The following UBXN2A variants were observed in gnomAD, a reference collection of about 807,000 sequenced individuals.
UBXN2A encodes UBX domain-containing protein 2A.
UBXN2A carries 28 observed loss-of-function variants against 28.4 expected under a neutral mutation model. That is an observed-to-expected ratio of 0.99 (90% CI 0.73 to 1.35). UBXN2A has a LOEUF of 1.35. Ranked by LOEUF, UBXN2A falls within the 40% of genes most tolerant of loss-of-function variation. The pLI is 0.00. For synonymous variants in UBXN2A, 97 were observed against 103.6 expected (o/e 0.94, Z 0.39); for missense variants, 253 against 297.9 (o/e 0.85, Z 1.11).
At chr2:23,971,976 G>T (rs1707441085) in intron 3 of UBXN2A, among the ~76,000 whole-genome samples, 3 of 152,050 alleles carry the variant, frequency 2.0e-5, no homozygotes, top group Admixed American at 2.0e-4. Context: ...CCATGTGCCT[G>T]TAGTCCCAGC....
intron 1 of UBXN2A, 39 bp from the exon 2 acceptor site, chr2:23,958,258 TTTAC>T (rs1345655029): frequency 3.9e-6 from 6 of 1,534,474 alleles, no homozygotes; most frequent in South Asian, 1.2e-5. Flanking sequence ...TATTAAGCTT[TTTAC>T]TTACTTTCTT....
chr2:23,954,244 T>G (rs1706508414), intron 1 of UBXN2A, among the ~76,000 whole-genome samples: 1 of 152,220 alleles, frequency 6.6e-6, no homozygotes, highest in African/African-American at 2.4e-5. Flanking sequence ...TTCTAGATAT[T>G]TTATATATTT....
At chr2:23,977,193 T>C (rs1184861947) in intron 4 of UBXN2A, 118 bp downstream of exon 4, 1 of 687,538 alleles carries the variant, frequency 1.5e-6, no homozygotes, top group African/African-American at 1.8e-5. Flanking sequence ...CCAGACCTCA[T>C]CTCTACTTAA....
chr2:23,973,352 T>C (rs934278360), intron 3 of UBXN2A, among the ~76,000 whole-genome samples: 9 of 146,444 alleles, frequency 6.1e-5, no homozygotes, highest in Non-Finnish European at 1.2e-4. Flanking sequence ...TTTTTTTTTT[T>C]CTCTGAGACA....
At chr2:23,955,851 A>G (rs1440417459) in intron 1 of UBXN2A, among the ~76,000 whole-genome samples, 1 of 152,224 alleles carries the variant, frequency 6.6e-6, no homozygotes, top group Non-Finnish European at 1.5e-5. Context: ...TGTATTTGGA[A>G]TGTATTTTGG....
chr2:23,954,797 G>A (rs1706536257), intron 1 of UBXN2A, among the ~76,000 whole-genome samples: 1 of 141,750 alleles, frequency 7.1e-6, no homozygotes, highest in Admixed American at 7.3e-5. Context: ...TTGCTCTGTT[G>A]CCCAGGCTGG....
At chr2:23,948,798 T>A (rs1706219687) in intron 1 of UBXN2A, among the ~76,000 whole-genome samples, 1 of 152,228 alleles carries the variant, frequency 6.6e-6, no homozygotes, top group Non-Finnish European at 1.5e-5. Flanking sequence ...ATCTTCATTC[T>A]CTTTTGCTGT....
chr2:23,983,461 C>T (rs1381711792), intron 5 of UBXN2A, among the ~76,000 whole-genome samples: 2 of 151,994 alleles, frequency 1.3e-5, no homozygotes, highest in Admixed American at 6.6e-5. Flanking sequence ...GAGCCGAGAT[C>T]GCGCCATTGC....
rs1708683765 is a variant in UBXN2A, at chr2:24,000,047, A to T, written c.*180A>T. On this transcript the variant is annotated 3_prime_UTR_variant, in exon 7 of 7. Coordinates refer to ENST00000309033, the MANE Select transcript of UBXN2A (RefSeq NM_181713.4). ...AGTTAAGAAAGTAGCATATGACTGG[A>T]AACTATATTCAGTGCACTTTCTCCA... 1 of 595,968 alleles carries T rather than the reference A, an allele frequency of 1.7e-6. No individual in the cohort carries two copies. Among genetic ancestry groups the T allele is most frequent in the Admixed American group, 3.3e-5 (1 of 29,898 alleles). 36.9% of individuals were successfully genotyped at this position (595,968 alleles called of 1,614,324 possible). A position where few individuals can be genotyped will look rare whatever the true frequency, so the allele number is the denominator to read the frequency against.
chr2:23,992,584 G>A (rs1057129811), intron 6 of UBXN2A, among the ~76,000 whole-genome samples: 1 of 152,176 alleles, frequency 6.6e-6, no homozygotes, highest in African/African-American at 2.4e-5. Flanking sequence ...GGTCTGCTTT[G>A]AGGGGAGAAG....
chr2:23,944,470 C>A, intron 1 of UBXN2A: 1 of 682,824 alleles, frequency 1.5e-6, no homozygotes. Context: ...TTCTTTTGCG[C>A]TTTCAGATCC....
chr2:23,950,324 A>G (rs924770845), intron 1 of UBXN2A, among the ~76,000 whole-genome samples: 1 of 152,190 alleles, frequency 6.6e-6, no homozygotes, highest in African/African-American at 2.4e-5. Flanking sequence ...ACAAAGTAGT[A>G]GAATGAACAT....
In UBXN2A at chr2:23,960,628, C is replaced by T. The variant is rs565189763; in HGVS notation, c.41+2273C>T. ...TTGTCCTATGCCTTGCCCCTGACAA[C>T]CATGAAACTGCTTTCTTTTTTTGAG... is the stretch of plus-strand genomic sequence containing the variant. On this transcript the variant is annotated intron_variant, in intron 2 of 6. Transcript: ENST00000309033. Among the ~76,000 whole-genome samples the T allele has an allele frequency of 2.6e-5, 4 of 152,198 alleles. No homozygotes were observed. In the South Asian group the frequency reaches 6.2e-4, roughly 24 times the overall value.
intron 1 of UBXN2A, among the ~76,000 whole-genome samples, chr2:23,955,986 T>G (rs1366264598): frequency 6.6e-6 from 1 of 152,168 alleles, no homozygotes; most frequent in Non-Finnish European, 1.5e-5. Flanking sequence ...TGCCTCAGCC[T>G]CCTGAGTAGT....
rs1432214597 is a variant in UBXN2A, at chr2:24,001,855, G to A, written c.*1988G>A. On this transcript the variant is annotated 3_prime_UTR_variant, in exon 7 of 7. Transcript: ENST00000309033. ...ATGCGCCTGTAGTCCCAGCTACGTG[G>A]GAGGCTGAGGGAGGAGAATGGCTTG... is the stretch of plus-strand genomic sequence containing the variant. 3 of 152,194 alleles carry A rather than the reference G, an allele frequency of 2.0e-5. No homozygotes were observed. The highest frequency in any genetic ancestry group is 7.2e-5 in the African/African-American group (3 of 41,532). 9.4% of individuals were successfully genotyped at this position (152,194 alleles called of 1,614,324 possible).
intron 1 of UBXN2A, among the ~76,000 whole-genome samples, chr2:23,928,210 GAAGAAAGAAAGGAAAGA>G (rs1705183410): frequency 6.7e-6 from 1 of 150,008 alleles, no homozygotes; most frequent in Non-Finnish European, 1.5e-5. Context: ...AGAGAGAAAG[GAAGAAAGAAAGGAAAGA>G]AAGAAAGAAA....
intron 1 of UBXN2A, among the ~76,000 whole-genome samples, chr2:23,952,107 C>G (rs1441033257): frequency 1.3e-5 from 2 of 151,806 alleles, no homozygotes; most frequent in Non-Finnish European, 2.9e-5. Context: ...GCTGGGACTA[C>G]AAGCGCTCGC....
chr2:23,993,923 T>C (rs1367775942), intron 6 of UBXN2A, among the ~76,000 whole-genome samples: 1 of 152,108 alleles, frequency 6.6e-6, no homozygotes, highest in African/African-American at 2.4e-5. Flanking sequence ...CTCCTGACCT[T>C]GTGGTCCGCC....
intron 1 of UBXN2A, among the ~76,000 whole-genome samples, chr2:23,949,116 CTT>C (rs1223944833): frequency 2.4e-5 from 3 of 127,068 alleles, no homozygotes; most frequent in African/African-American, 2.9e-5. Context: ...ATTTTTTTTT[CTT>C]TTTTTTTTTT....
Sources: allele counts gnomAD v4.1 joint callset (sites outside exome capture counted in the v4.1 genomes callset), GRCh38; gene constraint gnomAD v4.1.1; transcripts MANE v1.5; gene names NCBI Gene and HGNC (gene_info 2026-07-23, HGNC 2026-07-21).